The following NUDT4 variants were observed in gnomAD, a reference collection of about 807,000 sequenced individuals.
The protein encoded by NUDT4 is diphosphoinositol polyphosphate phosphohydrolase 2.
In NUDT4, 5 loss-of-function variants were observed where a neutral mutation model predicts 23.1. The ratio of observed to expected loss-of-function variants is 0.22; its 90% confidence interval spans 0.11 to 0.46. NUDT4 has a LOEUF of 0.46. NUDT4 is among the 20% of genes least tolerant of loss of function. NUDT4 has a pLI of 0.99. For missense variants in NUDT4, 96 were observed against 211.6 expected (o/e 0.45, Z 3.39); for synonymous variants, 50 against 79.0 (o/e 0.63, Z 1.95).
intron 1 of NUDT4, among the ~76,000 whole-genome samples, chr12:93,385,552 G>C (rs1875994251): frequency 6.6e-6 from 1 of 152,180 alleles, no homozygotes; most frequent in Admixed American, 6.5e-5. Flanking sequence ...TCTGTCAACT[G>C]TTGGTGTGTC....
intron 1 of NUDT4, among the ~76,000 whole-genome samples, chr12:93,392,958 G>A (rs1239207677): frequency 7.2e-6 from 1 of 139,218 alleles, no homozygotes; most frequent in Non-Finnish European, 1.6e-5. Flanking sequence ...TAGGATTACA[G>A]GCATGAGCCA....
At chr12:93,382,740 G>A (rs1023240904) in intron 1 of NUDT4, among the ~76,000 whole-genome samples, 5 of 147,326 alleles carry the variant, frequency 3.4e-5, no homozygotes, top group South Asian at 2.1e-4. Flanking sequence ...GCAGTGGCGC[G>A]ATGTCAGCTT....
At position 93,407,739 on chromosome 12, in the gene NUDT4, C is replaced by T. The variant is rs1254267591; in HGVS notation, c.*8360C>T. 2 of 152,150 alleles carry T rather than the reference C, an allele frequency of 1.3e-5. No homozygotes were observed. Among genetic ancestry groups the T allele is most frequent in the Non-Finnish European group, 2.9e-5 (2 of 68,030 alleles). The allele number at this position is 152,150 out of a possible 1,614,324, so 9.4% of individuals were successfully genotyped here. A position where few individuals can be genotyped will look rare whatever the true frequency, so the allele number is the denominator to read the frequency against. On this transcript the variant is annotated 3_prime_UTR_variant, in exon 5 of 5. Transcript: ENST00000415493. ...GTTTTAACCAGCCACACTGTGTGGG[C>T]CAGGGAAAACAGGCCCAAAGGCCAG...
At chr12:93,387,968 C>A (rs1876229193) in intron 1 of NUDT4, among the ~76,000 whole-genome samples, 1 of 152,142 alleles carries the variant, frequency 6.6e-6, no homozygotes, top group Non-Finnish European at 1.5e-5. Context: ...CACCACCACC[C>A]CCCCAGATGT....
chr12:93,392,715 A>G (rs71203983), intron 1 of NUDT4, among the ~76,000 whole-genome samples: 4,889 of 97,938 alleles, frequency 0.05, 164 homozygotes, highest in Middle Eastern at 0.1. Context: ...TCTGTTGCCC[A>G]GGCTGGAGTG....
chr12:93,398,638 T>G (rs2120976154), intron 3 of NUDT4, 133 bp from the exon 4 acceptor site: 1 of 618,502 alleles, frequency 1.6e-6, no homozygotes, highest in Non-Finnish European at 2.9e-6. Flanking sequence ...ACTGTACAAC[T>G]GAATATACTT....
chr12:93,387,965 AC>A (rs370580826), intron 1 of NUDT4, among the ~76,000 whole-genome samples: 1 of 151,268 alleles, frequency 6.6e-6, no homozygotes. Context: ...CCCCACCACC[AC>A]CCCCCCAGAT....
chr12:93,394,847 A>AT (rs1876816725), intron 2 of NUDT4, 128 bp downstream of exon 2: 2 of 579,824 alleles, frequency 3.4e-6, no homozygotes, highest in African/African-American at 1.9e-5. Flanking sequence ...TTTTAATTTT[A>AT]ATTTTTTTTT....
At chr12:93,397,458 T>C (rs1278865459) in intron 3 of NUDT4, among the ~76,000 whole-genome samples, 1 of 152,130 alleles carries the variant, frequency 6.6e-6, no homozygotes, top group Non-Finnish European at 1.5e-5. Context: ...CTAACTTTAA[T>C]CAGGATGAAG....
At position 93,394,597 on chromosome 12, in the gene NUDT4, T is replaced by C; in HGVS notation, c.100-12T>C. 1.3e-6 allele frequency: 2 copies of C among 1,507,804 alleles called. No homozygotes were observed. Among genetic ancestry groups the C allele is most frequent in the Non-Finnish European group, 1.8e-6 (2 of 1,107,224 alleles). 93.4% of individuals were successfully genotyped at this position (1,507,804 alleles called of 1,614,324 possible). On this transcript the variant is annotated splice_polypyrimidine_tract_variant and intron_variant, in intron 1 of 4. Coordinates refer to ENST00000415493, the MANE Select transcript of NUDT4 (RefSeq NM_019094.6). The stretch of plus-strand genomic sequence containing the variant: ...TCAGGCTGGAAGTATACAGTTATGG[T>C]TCACCTTACAGGTGCTGCTGGTGAG...
Position 93,394,606 on chromosome 12 carries a change from C to T in NUDT4, c.100-3C>T, listed in dbSNP as rs748356104. 25 of 1,534,976 alleles carry T rather than the reference C, an allele frequency of 1.6e-5. No individual in the cohort carries two copies. The highest frequency in any genetic ancestry group is 3.4e-4 in the Middle Eastern group (2 of 5,878). On this transcript the variant is annotated splice_region_variant and splice_polypyrimidine_tract_variant and intron_variant, in intron 1 of 4. Transcript: ENST00000415493. ...AAGTATACAGTTATGGTTCACCTTA[C>T]AGGTGCTGCTGGTGAGTAGCAGCCG...
intron 1 of NUDT4, among the ~76,000 whole-genome samples, chr12:93,379,467 C>A (rs1215469127): frequency 6.6e-6 from 1 of 152,220 alleles, no homozygotes; most frequent in African/African-American, 2.4e-5. Flanking sequence ...GGCTTCCTTA[C>A]TGCTAGTCCC....
At chr12:93,382,942 T>G (rs1009492928) in intron 1 of NUDT4, among the ~76,000 whole-genome samples, 6 of 152,174 alleles carry the variant, frequency 3.9e-5, no homozygotes, top group African/African-American at 1.2e-4. Flanking sequence ...ATTACAGGCA[T>G]GAGCCACTGC....
intron 3 of NUDT4, among the ~76,000 whole-genome samples, chr12:93,396,605 C>T (rs1193511658): frequency 2.6e-5 from 4 of 152,108 alleles, no homozygotes; most frequent in South Asian, 2.1e-4. Context: ...TGACTTTTAC[C>T]GGAATACAGT....
At chr12:93,378,590 C>A in intron 1 of NUDT4, 169 bp downstream of exon 1, 1 of 1,292,678 alleles carries the variant, frequency 7.7e-7, no homozygotes. Context: ...TTCTTCCTTC[C>A]TTTCTCTGGG....
At chr12:93,398,910 T>G (rs1877143808) in intron 4 of NUDT4, 55 bp downstream of exon 4, 3 of 1,207,618 alleles carry the variant, frequency 2.5e-6, no homozygotes, top group South Asian at 2.5e-5. Flanking sequence ...TTGGGAAGAT[T>G]CTGTTAATAT....
At chr12:93,380,368 G>A (rs549815085) in intron 1 of NUDT4, among the ~76,000 whole-genome samples, 1 of 152,232 alleles carries the variant, frequency 6.6e-6, no homozygotes, top group Non-Finnish European at 1.5e-5. Context: ...AAAAATAAAT[G>A]ATTATTTTTA....
At chr12:93,392,664 G>GGCT (rs1565780707) in intron 1 of NUDT4, among the ~76,000 whole-genome samples, 18 of 98,384 alleles carry the variant, frequency 1.8e-4, no homozygotes, top group Non-Finnish European at 3.2e-4. Context: ...GTAGATTTCA[G>GGCT]TCTTTTTTTT....
chr12:93,397,697 G>A (rs1168795604), intron 3 of NUDT4, among the ~76,000 whole-genome samples: 2 of 152,016 alleles, frequency 1.3e-5, no homozygotes, highest in Non-Finnish European at 1.5e-5. Context: ...TAATATTTTC[G>A]TATTTTTAGT....
Sources: gnomAD v4.1 joint callset for allele counts (sites outside exome capture counted in the v4.1 genomes callset) on GRCh38, gnomAD v4.1.1 for gene constraint, MANE v1.5 for transcripts, NCBI Gene and HGNC (gene_info 2026-07-23, HGNC 2026-07-21) for gene names.